Variants in GRM7 observed in about 807,000 individuals in gnomAD.
GRM7 encodes the protein metabotropic glutamate receptor 7.
A neutral mutation model predicts 84.5 loss-of-function variants in GRM7; 35 were observed. That is an observed-to-expected ratio of 0.41 (90% CI 0.32 to 0.55). The LOEUF is 0.55. Among genes scored for constraint, GRM7 ranks in the 20% least tolerant of loss-of-function variants. The pLI is 0.19. For synonymous variants in GRM7, 487 were observed against 455.1 expected, an observed-to-expected ratio of 1.07 and a Z score of -0.89; for missense variants, 1,003 against 1,194.6, an observed-to-expected ratio of 0.84 and a Z score of 2.36.
chr3:7,286,563 A>C (rs1426088214), intron 2 of GRM7, among the ~76,000 whole-genome samples: 1 of 152,190 alleles, frequency 6.6e-6, no homozygotes, highest in Non-Finnish European at 1.5e-5. Flanking sequence ...AACCCTTTGA[A>C]TATGTAATGA....
At chr3:7,026,329 G>T (rs1319551218) in intron 1 of GRM7, among the ~76,000 whole-genome samples, 1 of 152,186 alleles carries the variant, frequency 6.6e-6, no homozygotes, top group African/African-American at 2.4e-5. Context: ...CTGTTTAAAA[G>T]AAATACCATC....
chr3:7,066,594 C>T (rs1479573661), intron 1 of GRM7, among the ~76,000 whole-genome samples: 1 of 151,782 alleles, frequency 6.6e-6, no homozygotes, highest in Non-Finnish European at 1.5e-5. Context: ...TTCTACCAGA[C>T]ATTCAAAGAA....
intron 2 of GRM7, among the ~76,000 whole-genome samples, chr3:7,169,798 T>C (rs554863196): frequency 6.6e-6 from 1 of 152,300 alleles, no homozygotes; most frequent in East Asian, 1.9e-4. Flanking sequence ...ATTAAGCAAT[T>C]GTACCAGCCT....
chr3:7,261,927 T>C (rs1698443509), intron 2 of GRM7, among the ~76,000 whole-genome samples: 1 of 119,862 alleles, frequency 8.3e-6, no homozygotes, highest in African/African-American at 3.2e-5. Context: ...CCTCCCTTCC[T>C]TCCCTCCTTC....
rs193265803 is a variant in GRM7 at position 7,463,777 on chromosome 3, A to G, written c.1515+2055A>G. 4.5e-4 allele frequency among the ~76,000 whole-genome samples: 69 copies of G among 152,296 alleles called. 1 individual carries two copies. In the East Asian group the frequency reaches 0.012, roughly 26 times the overall value. On this transcript the variant is annotated intron_variant, in intron 7 of 9. Coordinates refer to ENST00000357716, the MANE Select transcript of GRM7 (RefSeq NM_000844.4). ...GAGGAAGGGTAAGAGGAGATGTTGG[A>G]GCAATAGGTAAGAGCCATACTCATG...
At chr3:7,727,817 C>T (rs572169637) in intron 9 of GRM7, among the ~76,000 whole-genome samples, 6 of 152,268 alleles carry the variant, frequency 3.9e-5, no homozygotes, top group African/African-American at 1.4e-4. Flanking sequence ...TCCTATCTAT[C>T]CTAGGTCCCA....
At chr3:7,190,980 G>A (rs1695692691) in intron 2 of GRM7, among the ~76,000 whole-genome samples, 1 of 151,874 alleles carries the variant, frequency 6.6e-6, no homozygotes, top group African/African-American at 2.4e-5. Context: ...TATGATTCTT[G>A]GTTTATTTCT....
intron 8 of GRM7, among the ~76,000 whole-genome samples, chr3:7,615,152 G>T (rs1423596339): frequency 6.6e-6 from 1 of 152,000 alleles, no homozygotes; most frequent in Non-Finnish European, 1.5e-5. Flanking sequence ...GCATACATGA[G>T]TATATATGTA....
chr3:7,020,492 G>A (rs765504333), intron 1 of GRM7, among the ~76,000 whole-genome samples: 10 of 152,124 alleles, frequency 6.6e-5, no homozygotes, highest in Non-Finnish European at 1.3e-4. Flanking sequence ...ATCAAACATT[G>A]GGCTTCATTG....
chr3:7,550,565 CTCTCTCTCTCTCTGTGTGTG>C (rs1693408484), intron 7 of GRM7, among the ~76,000 whole-genome samples: 2 of 96,634 alleles, frequency 2.1e-5, no homozygotes, highest in East Asian at 2.6e-4. Context: ...CTCTCTCTCT[CTCTCTCTCTCTCTGTGTGTG>C]TGTGTGTGTG....
At chr3:7,665,771 C>G (rs1699673635) in intron 8 of GRM7, among the ~76,000 whole-genome samples, 1 of 152,124 alleles carries the variant, frequency 6.6e-6, no homozygotes, top group Admixed American at 6.5e-5. Context: ...ATTACTGTGT[C>G]TCTTCCCAAG....
At chr3:6,933,726 A>G (rs532889814) in intron 1 of GRM7, among the ~76,000 whole-genome samples, 1 of 147,996 alleles carries the variant, frequency 6.8e-6, no homozygotes, top group Admixed American at 6.8e-5. Context: ...ATCTGGCGAG[A>G]AAAGAAAATT....
chr3:6,956,846 G>A (rs1693074786), intron 1 of GRM7, among the ~76,000 whole-genome samples: 2 of 152,172 alleles, frequency 1.3e-5, no homozygotes, highest in Admixed American at 6.5e-5. Context: ...GGCAGTCATT[G>A]ATTGTATTTT....
intron 7 of GRM7, among the ~76,000 whole-genome samples, chr3:7,532,803 CAAAAAAAAAAA>C (rs36040168): frequency 1.4e-5 from 1 of 70,632 alleles, no homozygotes; most frequent in Non-Finnish European, 2.5e-5. Flanking sequence ...AAAGGGAAAG[CAAAAAAAAAAA>C]AAAAAAAAGC....
intron 2 of GRM7, among the ~76,000 whole-genome samples, chr3:7,158,076 G>T (rs2125076187): frequency 6.6e-6 from 1 of 152,258 alleles, no homozygotes; most frequent in South Asian, 2.1e-4. Context: ...TCTACTGTTT[G>T]TTGTTCAGTT....
At chr3:6,971,917 A>T (rs115174531) in intron 1 of GRM7, among the ~76,000 whole-genome samples, 275 of 152,326 alleles carry the variant, frequency 1.8e-3, no homozygotes, top group African/African-American at 6.2e-3. Context: ...TTTAAAAGGT[A>T]ATATTTATTG....
chr3:7,138,238 G>A (rs1693832928), intron 1 of GRM7, among the ~76,000 whole-genome samples: 1 of 151,966 alleles, frequency 6.6e-6, no homozygotes. Context: ...GCATTAAAAT[G>A]TTTAAAGATC....
intron 4 of GRM7, among the ~76,000 whole-genome samples, chr3:7,400,324 A>C (rs1028918024): frequency 6.6e-6 from 1 of 152,132 alleles, no homozygotes; most frequent in Non-Finnish European, 1.5e-5. Flanking sequence ...CTTCCTCCCC[A>C]TTCTGCTAGT....
intron 4 of GRM7, among the ~76,000 whole-genome samples, chr3:7,377,422 G>A (rs965806732): frequency 1.3e-5 from 2 of 152,182 alleles, no homozygotes; most frequent in Admixed American, 6.6e-5. Flanking sequence ...TTAAGTGAGA[G>A]CATTGTTCTT....
Sources: gnomAD v4.1 joint callset for allele counts (sites outside exome capture counted in the v4.1 genomes callset) on GRCh38, gnomAD v4.1.1 for gene constraint, MANE v1.5 for transcripts, NCBI Gene and HGNC (gene_info 2026-07-23, HGNC 2026-07-21) for gene names.